TOMM40: variants seen among roughly 807,000 people sequenced by gnomAD.
TOMM40 encodes translocase of outer mitochondrial membrane 40, also known as mitochondrial import receptor subunit TOM40 homolog.
A neutral mutation model predicts 38.4 loss-of-function variants in TOMM40; 9 were observed. That is an observed-to-expected ratio of 0.23 (90% CI 0.14 to 0.41). The LOEUF (loss-of-function observed/expected upper bound fraction) is 0.41. Ranked by LOEUF, TOMM40 falls within the 10% of genes least tolerant of loss-of-function variation. TOMM40 has a pLI of 1.00. For missense variants in TOMM40, 299 were observed against 486.5 expected, an observed-to-expected ratio of 0.61 and a Z score of 3.63; for synonymous variants, 184 against 210.0, an observed-to-expected ratio of 0.88 and a Z score of 1.07.
rs1008375108 is a variant in TOMM40 at position 44,903,430 on chromosome 19, C to T, written c.*261C>T. The T allele has an allele frequency of 3.1e-5, 12 of 387,436 alleles. No individual in the cohort carries two copies. The highest frequency in any genetic ancestry group is 8.5e-5 in the African/African-American group (4 of 47,188). 24.0% of individuals were successfully genotyped at this position (387,436 alleles called of 1,614,324 possible). ...GGAGGGATTCCGGAATTGAGGGGCA[C>T]GCAGGATTCTGAGCACCAGGGGCAG... On this transcript the variant is annotated 3_prime_UTR_variant, in exon 9 of 9. Coordinates refer to ENST00000426677, the MANE Select transcript of TOMM40 (RefSeq NM_001128917.2).
intron 4 of TOMM40, 39 bp downstream of exon 4, chr19:44,893,920 C>T (rs760987260): frequency 1.9e-6 from 3 of 1,606,088 alleles, no homozygotes; most frequent in African/African-American, 1.3e-5. Context: ...CCTCGGCCAC[C>T]GTGAGCAGGG....
Position 44,900,869 on chromosome 19 carries a change from G to C in TOMM40, c.766+17G>C. On this transcript the variant is annotated intron_variant, in intron 6 of 8. Coordinates refer to ENST00000426677, the MANE Select transcript of TOMM40 (RefSeq NM_001128917.2). The stretch of plus-strand genomic sequence containing the variant: ...AATACACATGTGAGCCTGGCGCCTG[G>C]GTCCGAGGGTGGAGGGGCTGGGCCC... 12 of 1,613,100 alleles carry C rather than the reference G, an allele frequency of 7.4e-6. No individual in the cohort carries two copies. The highest frequency in any genetic ancestry group is 1.0e-5 in the Non-Finnish European group (12 of 1,179,474).
chr19:44,893,756 C>T (rs746502485), intron 3 of TOMM40, 24 bp from the exon 4 acceptor site: 3 of 1,604,258 alleles, frequency 1.9e-6, no homozygotes, highest in Non-Finnish European at 2.6e-6. Context: ...ACCTCTGACC[C>T]CTTCCGTTCT....
At chr19:44,892,692 G>A (rs891197844) in intron 2 of TOMM40, 145 bp from the exon 3 acceptor site, 4 of 785,282 alleles carry the variant, frequency 5.1e-6, no homozygotes, top group Middle Eastern at 3.6e-4. Flanking sequence ...TGGGCCTACC[G>A]GCAGCACCTC....
At position 44,891,433 on chromosome 19, in the gene TOMM40, T is replaced by G; in HGVS notation, c.18T>G (p.Ala6=). 7.7e-7 allele frequency: 1 copy of G among 1,294,268 alleles called. No individual in the cohort carries two copies. Among genetic ancestry groups the G allele is most frequent in the South Asian group, 2.6e-5 (1 of 38,582 alleles). 80.2% of individuals were successfully genotyped at this position (1,294,268 alleles called of 1,614,324 possible). A position where few individuals can be genotyped will look rare whatever the true frequency, so the allele number is the denominator to read the frequency against. Residue 6 remains alanine, a synonymous_variant, in exon 1 of 9, where the codon GCT becomes GCG. Transcript: ENST00000426677. Reference sequence around the variant, plus strand: ...AGGCGACCATGGGGAACGTGTTGGCTGCCAGCTCGCCGCCCGCAGGGCCGC... The same window carrying G: ...AGGCGACCATGGGGAACGTGTTGGCGGCCAGCTCGCCGCCCGCAGGGCCGC... The part of the protein sequence containing the change: MGNVL[A]ASSPPAGPPP...
chr19:44,899,321 A>T (rs911000692), intron 5 of TOMM40, among the ~76,000 whole-genome samples: 1 of 150,952 alleles, frequency 6.6e-6, no homozygotes, highest in Admixed American at 6.6e-5. Context: ...TACGTTTTTA[A>T]ATTTATTTAT....
intron 1 of TOMM40, among the ~76,000 whole-genome samples, chr19:44,892,187 A>G (rs1969479567): frequency 6.6e-6 from 1 of 152,218 alleles, no homozygotes; most frequent in Non-Finnish European, 1.5e-5. Context: ...AGTTTGACCT[A>G]AAGTTGCTCA....
chr19:44,898,525 C>CTTTTTTTTTTTTTTTTTTTTTTTT (rs71173106), intron 5 of TOMM40, among the ~76,000 whole-genome samples: 30 of 89,004 alleles, frequency 3.4e-4, no homozygotes, highest in Non-Finnish European at 4.6e-4. Context: ...TTTTTTTTTT[C>CTTTTTTTTTTTTTTTTTTTTTTTT]TTTTTTTTTT....
chr19:44,894,699 A>G (rs1054805394), intron 5 of TOMM40, among the ~76,000 whole-genome samples: 2 of 152,160 alleles, frequency 1.3e-5, no homozygotes, highest in African/African-American at 4.8e-5. Flanking sequence ...AAGTGCTGGG[A>G]TGACAGGCGT....
chr19:44,898,525 C>CTTTTTTTTTTTTTTTTTT (rs71173106), intron 5 of TOMM40, among the ~76,000 whole-genome samples: 3 of 88,988 alleles, frequency 3.4e-5, no homozygotes, highest in African/African-American at 4.4e-5. Flanking sequence ...TTTTTTTTTT[C>CTTTTTTTTTTTTTTTTTT]TTTTTTTTTT....
chr19:44,894,046 C>T lies in TOMM40; in HGVS notation c.623C>T (p.Pro208Leu). The T allele has an allele frequency of 1.3e-6, 2 of 1,520,190 alleles. No homozygotes were observed. Among genetic ancestry groups the T allele is most frequent in the Non-Finnish European group, 1.8e-6 (2 of 1,132,350 alleles). 94.2% of individuals were successfully genotyped at this position (1,520,190 alleles called of 1,614,324 possible). Residue 208 changes from proline to leucine, a missense_variant, in exon 5 of 9, where the codon CCA becomes CTA. Physicochemically the swap from Pro to Leu is moderately conservative, Grantham distance 98. Coordinates refer to ENST00000426677, the MANE Select transcript of TOMM40 (RefSeq NM_001128917.2). Reference sequence around the variant, plus strand: ...ACAGCAGCCGTCACCCTGGGGAACCCAGACGTCCTCGTGGGTTCAGGTAAG... The same window carrying T: ...ACAGCAGCCGTCACCCTGGGGAACCTAGACGTCCTCGTGGGTTCAGGTAAG... ...DFTAAVTLGNPDVLVGSGILV... is the reference protein window; with the variant it reads ...DFTAAVTLGNLDVLVGSGILV...
intron 8 of TOMM40, chr19:44,901,562 C>G: frequency 1.1e-6 from 1 of 899,768 alleles, no homozygotes; most frequent in East Asian, 2.7e-5. Context: ...CGGTGAAACT[C>G]CGTCTCTACT....
At chr19:44,892,505 G>A (rs373743166) in intron 2 of TOMM40, 45 bp downstream of exon 2, 18 of 1,578,138 alleles carry the variant, frequency 1.1e-5, no homozygotes, top group Middle Eastern at 2.3e-4. Context: ...CGTCCCCGCC[G>A]TCCCCCTCCC....
At chr19:44,901,372 G>A in intron 8 of TOMM40, 62 bp downstream of exon 8, 1 of 1,567,192 alleles carries the variant, frequency 6.4e-7, no homozygotes, top group South Asian at 1.2e-5. Context: ...CTGAGTGGAT[G>A]TGTGGGCCAC....
At chr19:44,901,666 G>A (rs1969686237) in intron 8 of TOMM40, 4 of 385,102 alleles carry the variant, frequency 1.0e-5, no homozygotes, top group Non-Finnish European at 1.9e-5. Flanking sequence ...GAACCCAGGA[G>A]GCGGAGCTTG....
intron 5 of TOMM40, among the ~76,000 whole-genome samples, chr19:44,899,132 CAAAAAAAAA>C (rs531167978): frequency 1.2e-5 from 1 of 82,632 alleles, no homozygotes; most frequent in African/African-American, 4.0e-5. Flanking sequence ...GACTCCATCT[CAAAAAAAAA>C]AAAAAAAAAT....
chr19:44,900,980 C>T (rs753211978), intron 6 of TOMM40, 48 bp from the exon 7 acceptor site: 1 of 1,612,166 alleles, frequency 6.2e-7, no homozygotes, highest in Non-Finnish European at 8.5e-7. Context: ...CCCAGATGCC[C>T]AAATCCCCTT....
intron 5 of TOMM40, among the ~76,000 whole-genome samples, chr19:44,894,991 C>T (rs926305794): frequency 5.3e-5 from 8 of 152,144 alleles, no homozygotes; most frequent in African/African-American, 1.9e-4. Flanking sequence ...GCAGAGCTGC[C>T]AGGATTTGTT....
Position 44,892,877 on chromosome 19 carries a change from A to C in TOMM40, c.383A>C (p.Asn128Thr). The part of the protein sequence containing the change: ...TVALSTIGES[N>T]YHFGVTYVGT... ...GCCCTCAGCACAATCGGGGAGTCCA[A>C]CTACCACTTCGGGGTCACATATGTG... The change falls in exon 3 of 9, where the codon AAC (asparagine) becomes ACC (threonine). Residue 128 changes from asparagine to threonine, a missense_variant. Transcript: ENST00000426677. The C allele has an allele frequency of 1.2e-6, 2 of 1,613,988 alleles. No individual in the cohort carries two copies.
Sources: allele counts gnomAD v4.1 joint callset (sites outside exome capture counted in the v4.1 genomes callset), GRCh38; gene constraint gnomAD v4.1.1; transcripts MANE v1.5; gene names NCBI Gene and HGNC (gene_info 2026-07-23, HGNC 2026-07-21).